HEG1: variants seen among roughly 807,000 people sequenced by gnomAD.
HEG1 encodes protein HEG homolog 1.
HEG1 carries 56 observed loss-of-function variants against 125.6 expected under a neutral mutation model. That is an observed-to-expected ratio of 0.45 (90% CI 0.36 to 0.56). HEG1 has a LOEUF of 0.56. Ranked by LOEUF, HEG1 falls within the 20% of genes least tolerant of loss-of-function variation. The probability of loss-of-function intolerance (pLI) is 0.00; values close to 1 mark genes in which losing one functional copy is unlikely to be tolerated. For synonymous variants in HEG1, 644 were observed against 668.5 expected (o/e 0.96, Z 0.57); for missense variants, 1,523 against 1,670.0 (o/e 0.91, Z 1.53).
intron 7 of HEG1, 110 bp downstream of exon 7, chr3:125,010,329 G>T: frequency 3.1e-6 from 2 of 635,644 alleles, no homozygotes. Flanking sequence ...AGTAAGCAGG[G>T]TATTAACTAA....
Position 125,012,706 on chromosome 3 carries a change from G to A in HEG1, c.2873C>T (p.Ala958Val). Residue 958 changes from alanine (A) to valine (V), a missense_variant, in exon 6 of 17, where the codon GCT becomes GTT. Ala to Val is a moderately conservative substitution (Grantham distance 64, BLOSUM62 0). Coordinates refer to ENST00000311127, the MANE Select transcript of HEG1 (RefSeq NM_020733.2). ...GGCAGATTTGGGAGCCAAGTCTTCAGCCGTGGAAACAACTGTGGTTTGGGG... is the reference window on the plus strand; with the variant it reads ...GGCAGATTTGGGAGCCAAGTCTTCAACCGTGGAAACAACTGTGGTTTGGGG... ...PSPQTTVVST[A>V]EDLAPKSATF... 1 of 1,613,926 alleles carries A rather than the reference G, an allele frequency of 6.2e-7. No individual in the cohort carries two copies. Among genetic ancestry groups the A allele is most frequent in the Non-Finnish European group, 8.5e-7 (1 of 1,179,874 alleles).
chr3:125,055,491 G>A (rs1937913226), intron 1 of HEG1, 84 bp downstream of exon 1: 3 of 939,474 alleles, frequency 3.2e-6, no homozygotes, highest in Non-Finnish European at 4.0e-6. Context: ...GCGCGGAGGG[G>A]CCTACGGCTG....
At chr3:125,047,574 T>C (rs757274724) in intron 1 of HEG1, among the ~76,000 whole-genome samples, 1 of 152,196 alleles carries the variant, frequency 6.6e-6, no homozygotes, top group African/African-American at 2.4e-5. Flanking sequence ...GTCTACACCC[T>C]GGCAAAAGAT....
At chr3:124,972,982 A>C (rs906605280) in intron 16 of HEG1, among the ~76,000 whole-genome samples, 1 of 151,342 alleles carries the variant, frequency 6.6e-6, no homozygotes, top group African/African-American at 2.4e-5. Context: ...CCCATCCCCT[A>C]GTTGGTTTTT....
rs1319324857 is a variant in HEG1 at position 124,971,014 on chromosome 3, A to G, written c.3997-213T>C. On this transcript the variant is annotated intron_variant, in intron 16 of 16. Coordinates refer to ENST00000311127, the MANE Select transcript of HEG1 (RefSeq NM_020733.2). ...CTTCCTGTCCCAGCAACCATGCAGA[A>G]GGCAACTGATGCAAACGGAGGAACT... 1.6e-5 allele frequency: 10 copies of G among 625,390 alleles called. No homozygotes were observed. The South Asian group carries it at 1.7e-4, about 10-fold the overall frequency. 38.7% of individuals were successfully genotyped at this position (625,390 alleles called of 1,614,324 possible).
intron 1 of HEG1, among the ~76,000 whole-genome samples, chr3:125,042,318 C>T (rs1397461215): frequency 6.6e-6 from 1 of 152,116 alleles, no homozygotes; most frequent in Non-Finnish European, 1.5e-5. Context: ...ATCTCAGCTA[C>T]TCAGGAGGCT....
intron 3 of HEG1, among the ~76,000 whole-genome samples, chr3:125,026,866 G>A (rs978297813): frequency 1.3e-5 from 2 of 152,202 alleles, no homozygotes; most frequent in Non-Finnish European, 2.9e-5. Flanking sequence ...CGGGCATGGT[G>A]ATGGGCGCCT....
chr3:124,970,541 G>A lies in HEG1; in HGVS notation c.*111C>T. The A allele has an allele frequency of 1.1e-6, 1 of 914,480 alleles. No homozygotes were observed. The highest frequency in any genetic ancestry group is 1.6e-6 in the Non-Finnish European group (1 of 608,766). 56.6% of individuals were successfully genotyped at this position (914,480 alleles called of 1,614,324 possible). ...CGCATGCCTGTCCCTCTTCCTGCTT[G>A]CCACTCAGCGTGGCTCCCGACAAAT... On this transcript the variant is annotated 3_prime_UTR_variant, in exon 17 of 17. Transcript: ENST00000311127.
At chr3:124,996,953 T>C (rs1667149438) in intron 12 of HEG1, among the ~76,000 whole-genome samples, 1 of 152,254 alleles carries the variant, frequency 6.6e-6, no homozygotes, top group African/African-American at 2.4e-5. Context: ...AGCAGTATTC[T>C]TGGACTACAT....
chr3:124,971,124 C>G (rs982591453), intron 16 of HEG1: 8 of 497,106 alleles, frequency 1.6e-5, no homozygotes, highest in African/African-American at 1.5e-4. Flanking sequence ...CTCAAGTGAC[C>G]AGTTGGATCT....
chr3:125,052,220 C>T (rs1174352525), intron 1 of HEG1, among the ~76,000 whole-genome samples: 7 of 151,828 alleles, frequency 4.6e-5, no homozygotes, highest in South Asian at 4.2e-4. Context: ...CCCAAGCCTC[C>T]GCCAGGAGTG....
At chr3:124,978,133 A>G (rs1579395047) in intron 14 of HEG1, among the ~76,000 whole-genome samples, 187 bp from the exon 15 acceptor site, 1 of 151,978 alleles carries the variant, frequency 6.6e-6, no homozygotes, top group African/African-American at 2.4e-5. Context: ...TATTGAGAAG[A>G]GTTTTTTGTT....
At chr3:125,036,914 TA>T (rs1234611368) in intron 1 of HEG1, among the ~76,000 whole-genome samples, 1 of 152,220 alleles carries the variant, frequency 6.6e-6, no homozygotes, top group East Asian at 1.9e-4. Flanking sequence ...GCATTAAAAA[TA>T]GGCATATATT....
intron 16 of HEG1, among the ~76,000 whole-genome samples, chr3:124,971,560 C>T (rs1039960623): frequency 2.0e-5 from 3 of 152,026 alleles, no homozygotes; most frequent in East Asian, 3.9e-4. Flanking sequence ...GGCACAATCT[C>T]GGCTCATTGC....
chr3:124,980,588 C>T (rs1936631145), intron 14 of HEG1, among the ~76,000 whole-genome samples: 1 of 150,796 alleles, frequency 6.6e-6, no homozygotes, highest in Non-Finnish European at 1.5e-5. Flanking sequence ...GTGATCTCGG[C>T]TCACTGCAAC....
At position 125,055,961 on chromosome 3, in the gene HEG1, G is replaced by GCGGGCT; in HGVS notation, c.-72_-71insAGCCCG. 5.8e-6 allele frequency: 1 copy of GCGGGCT among 171,290 alleles called. No homozygotes were observed. The highest frequency in any genetic ancestry group is 8.8e-6 in the Non-Finnish European group (1 of 113,928). The allele number at this position is 171,290 out of a possible 1,614,324, so 10.6% of individuals were successfully genotyped here. On this transcript the variant is annotated 5_prime_UTR_variant, in exon 1 of 17. Transcript: ENST00000311127. ...GGGCAGCGGGCAGCGGGCAGCGGGC[G>GCGGGCT]GCGGGGGCCGCGCGGGGCCGGGGAA...
intron 9 of HEG1, among the ~76,000 whole-genome samples, chr3:125,004,924 G>T (rs1355423165): frequency 6.6e-6 from 1 of 152,102 alleles, no homozygotes; most frequent in Admixed American, 6.5e-5. Flanking sequence ...ACAGCAGATG[G>T]GACCGTAAGA....
intron 1 of HEG1, among the ~76,000 whole-genome samples, chr3:125,033,694 C>T (rs1033015850): frequency 2.6e-5 from 4 of 152,272 alleles, no homozygotes; most frequent in Admixed American, 6.5e-5. Flanking sequence ...GCATGTAAAT[C>T]AGGGACCTCC....
Position 125,013,853 on chromosome 3 carries a change from A to C in HEG1, c.1726T>G (p.Ser576Ala). Reference sequence around the variant, plus strand: ...GAGCTCTCCACAATGTCTGAGGATGAACTGTTATCTGTAATGGACAGTAAC... The same window carrying C: ...GAGCTCTCCACAATGTCTGAGGATGCACTGTTATCTGTAATGGACAGTAAC... Reference protein sequence around the residue: ...RALLSITDNSSSSDIVESSTS... With the variant: ...RALLSITDNSASSDIVESSTS... The change falls in exon 6 of 17, where the codon TCA becomes GCA. Residue 576 changes from serine (S) to alanine (A), a missense_variant. Ser to Ala is a moderately conservative substitution (Grantham distance 99). Coordinates refer to ENST00000311127, the MANE Select transcript of HEG1 (RefSeq NM_020733.2). 6.2e-7 allele frequency: 1 copy of C among 1,613,970 alleles called. No individual in the cohort carries two copies.
Sources: allele counts gnomAD v4.1 joint callset (sites outside exome capture counted in the v4.1 genomes callset), GRCh38; gene constraint gnomAD v4.1.1; transcripts MANE v1.5; gene names NCBI Gene and HGNC (gene_info 2026-07-23, HGNC 2026-07-21).